SEMA6D: variants seen among roughly 807,000 people sequenced by gnomAD.
The protein encoded by SEMA6D is semaphorin-6D.
Under a neutral mutation model 106.6 loss-of-function variants are expected in SEMA6D, and 35 were observed. The observed-to-expected ratio is 0.33, with a 90% CI of 0.25 to 0.44. The LOEUF is 0.44. Ranked by LOEUF, SEMA6D falls within the 20% of genes least tolerant of loss-of-function variation. SEMA6D has a pLI of 1.00. For synonymous variants in SEMA6D, 499 were observed against 487.7 expected (o/e 1.02, Z -0.31); for missense variants, 1,185 against 1,345.9 (o/e 0.88, Z 1.87).
At chr15:47,625,937 G>A (rs1185484890) in intron 4 of SEMA6D, among the ~76,000 whole-genome samples, 1 of 152,038 alleles carries the variant, frequency 6.6e-6, no homozygotes, top group Non-Finnish European at 1.5e-5. Context: ...TTATTTTGAA[G>A]GCCATTACTT....
Position 47,233,784 on chromosome 15 carries a change from AATTT to A in SEMA6D, c.-239+49378_-239+49381del, listed in dbSNP as rs1468977969. Among the ~76,000 whole-genome samples, 3 of 151,932 alleles carry A rather than the reference AATTT, an allele frequency of 2.0e-5. No homozygotes were observed. The East Asian group carries it at 5.8e-4, about 29-fold the overall frequency. ...GATTTTGTATCCTACAACTTTATTG[AATTT>A]ATTTATTTATTAGCTCTAACAACTT... On this transcript the variant is annotated intron_variant, in intron 1 of 19. Transcript: ENST00000558014.
intron 1 of SEMA6D, among the ~76,000 whole-genome samples, chr15:47,724,585 G>T (rs752180689): frequency 1.1e-4 from 17 of 151,966 alleles, no homozygotes; most frequent in Non-Finnish European, 2.2e-4. Flanking sequence ...GGTGGGGGAG[G>T]TGTTGAGAGG....
At chr15:47,481,779 A>G (rs1046726145) in intron 3 of SEMA6D, among the ~76,000 whole-genome samples, 2 of 152,190 alleles carry the variant, frequency 1.3e-5, no homozygotes, top group African/African-American at 4.8e-5. Context: ...GCATAAATGC[A>G]TGTCATGTAT....
At chr15:47,552,860 ATATATTTT>A (rs1224735149) in intron 3 of SEMA6D, among the ~76,000 whole-genome samples, 2 of 72,356 alleles carry the variant, frequency 2.8e-5, no homozygotes, top group African/African-American at 1.7e-4. Flanking sequence ...ATAAATATAT[ATATATTTT>A]TATATATATA....
chr15:47,385,808 C>T (rs1220921474), intron 1 of SEMA6D, among the ~76,000 whole-genome samples: 1 of 152,146 alleles, frequency 6.6e-6, no homozygotes, highest in East Asian at 1.9e-4. Context: ...CCTTCTGCTT[C>T]CAAGGAGTTA....
intron 1 of SEMA6D, among the ~76,000 whole-genome samples, chr15:47,311,052 C>G (rs1167120572): frequency 1.3e-5 from 2 of 152,126 alleles, no homozygotes; most frequent in Non-Finnish European, 2.9e-5. Context: ...GAATTTCAAT[C>G]AAAGCTCGAT....
At chr15:47,330,499 T>C (rs1249323889) in intron 1 of SEMA6D, among the ~76,000 whole-genome samples, 3 of 152,196 alleles carry the variant, frequency 2.0e-5, no homozygotes, top group Non-Finnish European at 4.4e-5. Context: ...TTTTCCATGT[T>C]CTAAACTTGG....
At chr15:47,203,307 T>C (rs1894840587) in intron 1 of SEMA6D, among the ~76,000 whole-genome samples, 2 of 152,144 alleles carry the variant, frequency 1.3e-5, no homozygotes, top group Admixed American at 1.3e-4. Context: ...AGAAAGCTTC[T>C]TTCCAAAAGA....
At chr15:47,198,757 A>C (rs1188386177) in intron 1 of SEMA6D, among the ~76,000 whole-genome samples, 1 of 152,186 alleles carries the variant, frequency 6.6e-6, no homozygotes, top group South Asian at 2.1e-4. Flanking sequence ...CCCAAAGCCC[A>C]AAATTTTCAT....
chr15:47,625,045 T>A (rs2077176014), intron 4 of SEMA6D, among the ~76,000 whole-genome samples: 1 of 152,114 alleles, frequency 6.6e-6, no homozygotes, highest in African/African-American at 2.4e-5. Context: ...ACGTTACAGG[T>A]TAACCATGAT....
intron 3 of SEMA6D, among the ~76,000 whole-genome samples, chr15:47,529,926 A>C (rs1338175826): frequency 6.6e-6 from 1 of 152,316 alleles, no homozygotes; most frequent in South Asian, 2.1e-4. Flanking sequence ...TTTCATGTTC[A>C]TGTTCATGTT....
At chr15:47,705,128 A>G (rs141117378) in intron 4 of SEMA6D, among the ~76,000 whole-genome samples, 4 of 152,150 alleles carry the variant, frequency 2.6e-5, no homozygotes, top group African/African-American at 9.7e-5. Context: ...AATTACTTTT[A>G]CTCTGAAGCA....
At chr15:47,262,871 T>C (rs2034142933) in intron 1 of SEMA6D, among the ~76,000 whole-genome samples, 1 of 151,546 alleles carries the variant, frequency 6.6e-6, no homozygotes, top group Non-Finnish European at 1.5e-5. Flanking sequence ...TGGAAGAAAA[T>C]AGAGAACTCA....
chr15:47,608,588 A>C (rs965121309), intron 4 of SEMA6D, among the ~76,000 whole-genome samples: 4 of 152,088 alleles, frequency 2.6e-5, no homozygotes, highest in Non-Finnish European at 1.5e-5. Flanking sequence ...TGTTTCAAGA[A>C]CTCATAAGCA....
At chr15:47,551,376 T>A (rs1322675263) in intron 3 of SEMA6D, among the ~76,000 whole-genome samples, 1 of 152,170 alleles carries the variant, frequency 6.6e-6, no homozygotes, top group African/African-American at 2.4e-5. Context: ...GTACACCTTT[T>A]CACTGTGACC....
At chr15:47,269,008 A>C (rs1450507839) in intron 1 of SEMA6D, among the ~76,000 whole-genome samples, 18 of 152,170 alleles carry the variant, frequency 1.2e-4, no homozygotes, top group Non-Finnish European at 5.9e-5. Context: ...ATTTTCAGCA[A>C]AAACAGTTGA....
At chr15:47,599,143 A>G (rs975803670) in intron 3 of SEMA6D, among the ~76,000 whole-genome samples, 3 of 152,124 alleles carry the variant, frequency 2.0e-5, no homozygotes, top group South Asian at 2.1e-4. Context: ...AAACTCCCCA[A>G]CAGAATCTTA....
At chr15:47,518,193 A>T (rs562918369) in intron 3 of SEMA6D, among the ~76,000 whole-genome samples, 3 of 152,200 alleles carry the variant, frequency 2.0e-5, no homozygotes, top group Non-Finnish European at 4.4e-5. Context: ...ATAGGAATTT[A>T]ATTTTTAATA....
chr15:47,546,448 A>G (rs1489514230), intron 3 of SEMA6D, among the ~76,000 whole-genome samples: 3 of 152,144 alleles, frequency 2.0e-5, no homozygotes, highest in South Asian at 2.1e-4. Context: ...AATCTAGCCA[A>G]TTAACCCGCA....
Sources: allele counts gnomAD v4.1 joint callset (sites outside exome capture counted in the v4.1 genomes callset), GRCh38; gene constraint gnomAD v4.1.1; transcripts MANE v1.5; gene names NCBI Gene and HGNC (gene_info 2026-07-23, HGNC 2026-07-21).